Variants in NRG1 observed in about 807,000 individuals in gnomAD.
The protein encoded by NRG1 is pro-neuregulin-1, membrane-bound isoform.
A neutral mutation model predicts 63.8 loss-of-function variants in NRG1; 18 were observed. The ratio of observed to expected loss-of-function variants is 0.28; its 90% CI spans 0.19 to 0.42. NRG1 has a LOEUF of 0.42. Ranked by LOEUF, NRG1 falls within the 10% of genes least tolerant of loss-of-function variation. NRG1 has a pLI of 1.00. For synonymous variants in NRG1, 302 were observed against 301.3 expected (o/e 1.00, Z -0.02); for missense variants, 762 against 814.7 (o/e 0.94, Z 0.79).
intron 1 of NRG1, among the ~76,000 whole-genome samples, chr8:32,473,708 T>C (rs965953125): frequency 3.3e-5 from 5 of 152,270 alleles, no homozygotes; most frequent in African/African-American, 1.2e-4. Context: ...TTTAGAGAAA[T>C]GATCGTGTTC....
At chr8:32,422,378 G>A (rs775339114) in intron 1 of NRG1, among the ~76,000 whole-genome samples, 2 of 152,038 alleles carry the variant, frequency 1.3e-5, no homozygotes, top group Non-Finnish European at 2.9e-5. Flanking sequence ...AATTAAAACA[G>A]ATATCAATAT....
At chr8:31,870,993 C>T (rs2129611547) in intron 1 of NRG1, among the ~76,000 whole-genome samples, 1 of 147,854 alleles carries the variant, frequency 6.8e-6, no homozygotes, top group South Asian at 2.1e-4. Flanking sequence ...GTCAGATCCA[C>T]ACTTTTATTT....
At chr8:31,829,086 CAAG>C (rs1824857421) in intron 1 of NRG1, among the ~76,000 whole-genome samples, 1 of 152,174 alleles carries the variant, frequency 6.6e-6, no homozygotes. Flanking sequence ...TTTTGGGAAT[CAAG>C]AAAAGTTCAC....
chr8:32,548,663 A>G, exon 1 of NRG1: 1 of 1,519,304 alleles, frequency 6.6e-7, no homozygotes, highest in Non-Finnish European at 8.8e-7. Context: ...ACCCGATCCG[A>G]GCCCTTGGAC....
intron 1 of NRG1, among the ~76,000 whole-genome samples, chr8:32,470,447 G>A (rs932397924): frequency 6.6e-5 from 10 of 151,566 alleles, no homozygotes; most frequent in Non-Finnish European, 1.3e-4. Context: ...CTCATGATCC[G>A]CCTCCCTCAG....
intron 1 of NRG1, among the ~76,000 whole-genome samples, chr8:31,737,428 T>A (rs1003584255): frequency 6.6e-6 from 1 of 152,104 alleles, no homozygotes; most frequent in African/African-American, 2.4e-5. Context: ...AGACCAAGAA[T>A]TGCGTTTTGA....
chr8:32,640,428 A>G (rs1852141010), intron 5 of NRG1, among the ~76,000 whole-genome samples: 1 of 152,148 alleles, frequency 6.6e-6, no homozygotes, highest in South Asian at 2.1e-4. Context: ...GCTGTGTGCC[A>G]GGCATGCTCT....
intron 1 of NRG1, among the ~76,000 whole-genome samples, chr8:32,307,589 T>TGTGTGTGTGTGTG (rs1563296243): frequency 1.1e-5 from 1 of 93,490 alleles, no homozygotes; most frequent in African/African-American, 5.2e-5. Context: ...ACCCAGGGGT[T>TGTGTGTGTGTGTG]TGTGTGTGTG....
At chr8:32,258,683 AACTC>A (rs1850023632) in intron 1 of NRG1, among the ~76,000 whole-genome samples, 1 of 152,134 alleles carries the variant, frequency 6.6e-6, no homozygotes, top group South Asian at 2.1e-4. Context: ...ATCTCGTGAG[AACTC>A]ACTCACTATC....
intron 1 of NRG1, among the ~76,000 whole-genome samples, chr8:32,279,731 T>C (rs1228110042): frequency 1.3e-5 from 2 of 152,198 alleles, no homozygotes; most frequent in Non-Finnish European, 2.9e-5. Context: ...TTTATTTGAA[T>C]TGGAAAAGGC....
At chr8:31,985,269 T>G (rs952686843) in intron 1 of NRG1, among the ~76,000 whole-genome samples, 1 of 152,048 alleles carries the variant, frequency 6.6e-6, no homozygotes, top group Non-Finnish European at 1.5e-5. Context: ...ACTTAAGAAT[T>G]CTAGTTCTAT....
Position 32,643,420 on chromosome 8 carries a change from A to T in NRG1, c.502+26535A>T, listed in dbSNP as rs117337624. Among the ~76,000 whole-genome samples, 1,172 of 152,316 alleles carry T rather than the reference A, an allele frequency of 7.7e-3. 5 individuals are homozygous for T. Among genetic ancestry groups the T allele is most frequent in the Middle Eastern group, 0.024 (7 of 294 alleles). On this transcript the variant is annotated intron_variant, in intron 5 of 11. Transcript: ENST00000356819. Reference sequence around the variant, plus strand: ...ACAACCTGGCCACCATGCTGTGGGAAGCTCAAGCCACAAGGAGAGGCCACA... The same window carrying T: ...ACAACCTGGCCACCATGCTGTGGGATGCTCAAGCCACAAGGAGAGGCCACA...
At chr8:31,857,262 A>G (rs922648427) in intron 1 of NRG1, among the ~76,000 whole-genome samples, 6 of 152,264 alleles carry the variant, frequency 3.9e-5, no homozygotes, top group African/African-American at 1.4e-4. Context: ...GCAATCAGCA[A>G]GACTCCGTGG....
At chr8:31,679,569 T>G (rs1335277266) in intron 1 of NRG1, among the ~76,000 whole-genome samples, 1 of 152,112 alleles carries the variant, frequency 6.6e-6, no homozygotes, top group Non-Finnish European at 1.5e-5. Context: ...GAACTATGAT[T>G]AAAAGGTAAA....
intron 1 of NRG1, among the ~76,000 whole-genome samples, chr8:32,006,825 C>T (rs180845986): frequency 3.1e-3 from 472 of 152,198 alleles, no homozygotes; most frequent in Non-Finnish European, 5.6e-3. Context: ...TGACTTTGAC[C>T]TTGTGATAAC....
chr8:32,677,981 T>A lies in NRG1; in HGVS notation c.503-49968T>A, dbSNP rs148720006. Among the ~76,000 whole-genome samples the A allele has an allele frequency of 3.0e-3, 459 of 152,280 alleles. 3 individuals are homozygous for A. Among genetic ancestry groups the A allele is most frequent in the African/African-American group, 0.01 (430 of 41,568 alleles). On this transcript the variant is annotated intron_variant, in intron 5 of 11. Transcript: ENST00000356819. ...CTTTGCTGTCCTCTGCTATATCACA[T>A]CATCTTTTCAATTCAGATTCTATTT...
intron 1 of NRG1, among the ~76,000 whole-genome samples, chr8:32,075,259 A>T (rs781676501): frequency 6.6e-6 from 1 of 151,978 alleles, no homozygotes; most frequent in Admixed American, 6.6e-5. Flanking sequence ...ATCACTGACC[A>T]TATTACTTAT....
chr8:32,498,593 G>A (rs1827497717), intron 1 of NRG1, among the ~76,000 whole-genome samples: 1 of 22,054 alleles, frequency 4.5e-5, no homozygotes, highest in South Asian at 1.2e-3. Flanking sequence ...AGCCCCCATC[G>A]TTCAATTACC....
At chr8:32,399,806 G>A (rs62500160) in intron 1 of NRG1, among the ~76,000 whole-genome samples, 38,066 of 151,988 alleles carry the variant, frequency 0.25, 5,280 homozygotes, top group Middle Eastern at 0.36. Context: ...GGTATTATAG[G>A]GTATAAGCCA....
Sources: gnomAD v4.1 joint callset for allele counts (sites outside exome capture counted in the v4.1 genomes callset) on GRCh38, gnomAD v4.1.1 for gene constraint, MANE v1.5 for transcripts, NCBI Gene and HGNC (gene_info 2026-07-23, HGNC 2026-07-21) for gene names.